The following MAPKAPK2 variants were observed in gnomAD, a reference collection of about 807,000 sequenced individuals.
The protein encoded by MAPKAPK2 is MAP kinase-activated protein kinase 2.
In MAPKAPK2, 9 loss-of-function variants were observed where a neutral mutation model predicts 48.8. That is an observed-to-expected ratio of 0.18 (90% CI 0.11 to 0.32). The LOEUF is 0.32. Ranked by LOEUF, MAPKAPK2 falls within the 10% of genes least tolerant of loss-of-function variation. The pLI, the probability that MAPKAPK2 is intolerant of heterozygous loss-of-function variation, is 1.00. For missense variants in MAPKAPK2, 331 were observed against 498.3 expected (o/e 0.66, Z 3.20); for synonymous variants, 202 against 190.6 (o/e 1.06, Z -0.49).
intron 1 of MAPKAPK2, chr1:206,695,951 A>G (rs1413799778): frequency 1.2e-5 from 8 of 687,348 alleles, no homozygotes; most frequent in Non-Finnish European, 2.1e-5. Flanking sequence ...CCTGGGCCCC[A>G]GGTCCAGGGG....
chr1:206,710,389 G>T (rs1673108459), intron 1 of MAPKAPK2, among the ~76,000 whole-genome samples: 1 of 152,152 alleles, frequency 6.6e-6, no homozygotes, highest in African/African-American at 2.4e-5. Context: ...TTGCCTCCCT[G>T]TCTCCTAGTG....
intron 1 of MAPKAPK2, among the ~76,000 whole-genome samples, chr1:206,701,853 AAAAG>A (rs1553427960): frequency 7.2e-4 from 109 of 151,396 alleles, no homozygotes; most frequent in African/African-American, 2.6e-3. Flanking sequence ...AAAAAAAAAA[AAAAG>A]AGGAGTTCAC....
At chr1:206,707,926 T>C (rs1553428843) in intron 1 of MAPKAPK2, among the ~76,000 whole-genome samples, 2 of 152,236 alleles carry the variant, frequency 1.3e-5, no homozygotes, top group South Asian at 4.1e-4. Flanking sequence ...TCTACATTCT[T>C]TGATTCCTGT....
At chr1:206,706,400 TA>T (rs1553428572) in intron 1 of MAPKAPK2, among the ~76,000 whole-genome samples, 1 of 152,092 alleles carries the variant, frequency 6.6e-6, no homozygotes, top group Non-Finnish European at 1.5e-5. Flanking sequence ...GCTCTGCAGT[TA>T]TCCCGACCAC....
chr1:206,708,275 C>T (rs1221958466), intron 1 of MAPKAPK2, among the ~76,000 whole-genome samples: 2 of 152,230 alleles, frequency 1.3e-5, no homozygotes, highest in Admixed American at 6.5e-5. Flanking sequence ...CTGTGACCTC[C>T]CAGCCACCTC....
At chr1:206,706,126 T>C (rs1429795931) in intron 1 of MAPKAPK2, among the ~76,000 whole-genome samples, 2 of 101,930 alleles carry the variant, frequency 2.0e-5, no homozygotes, top group African/African-American at 6.6e-5. Flanking sequence ...ATTTATTTAT[T>C]TATTTATTTA....
intron 1 of MAPKAPK2, among the ~76,000 whole-genome samples, chr1:206,713,057 C>A (rs1186099863): frequency 2.7e-5 from 4 of 150,786 alleles, no homozygotes; most frequent in Admixed American, 2.6e-4. Flanking sequence ...CAAGTAGATA[C>A]TTATTGAACA....
intron 1 of MAPKAPK2, among the ~76,000 whole-genome samples, chr1:206,697,565 C>T (rs1320117380): frequency 1.3e-5 from 2 of 152,120 alleles, no homozygotes; most frequent in Non-Finnish European, 2.9e-5. Flanking sequence ...CTCTTTTTAA[C>T]AACCAGATCT....
At position 206,705,408 on chromosome 1, in the gene MAPKAPK2, T is replaced by G. The variant is rs147342880; in HGVS notation, c.279+19900T>G. On this transcript the variant is annotated intron_variant, in intron 1 of 9. Coordinates refer to ENST00000367103, the MANE Select transcript of MAPKAPK2 (RefSeq NM_032960.4). ...GAAGCAGCAATGTGCAGCATGGGGT[T>G]GCATGAGTAGACACTCCTGCTGGAG... is the stretch of plus-strand genomic sequence containing the variant. Among the ~76,000 whole-genome samples the G allele has an allele frequency of 5.7e-3, 873 of 152,326 alleles. 5 individuals carry two copies. Among genetic ancestry groups the G allele is most frequent in the Non-Finnish European group, 7.4e-3 (504 of 68,028 alleles).
chr1:206,711,014 T>C (rs1433562443), intron 1 of MAPKAPK2, among the ~76,000 whole-genome samples: 1 of 152,256 alleles, frequency 6.6e-6, no homozygotes, highest in African/African-American at 2.4e-5. Flanking sequence ...TTTTTAAATG[T>C]CGTGGAAAAA....
chr1:206,723,312 G>GC (rs1427229738), intron 1 of MAPKAPK2, among the ~76,000 whole-genome samples: 3 of 152,176 alleles, frequency 2.0e-5, no homozygotes, highest in Non-Finnish European at 4.4e-5. Context: ...GGAGTGGGGA[G>GC]CAGAATAATA....
intron 1 of MAPKAPK2, among the ~76,000 whole-genome samples, chr1:206,695,450 GTTTTTTTTT>G (rs797043593): frequency 0.017 from 2,035 of 123,016 alleles, 40 homozygotes; most frequent in African/African-American, 0.057. Flanking sequence ...GCCCTGATCT[GTTTTTTTTT>G]TTTTTTTTGG....
At position 206,731,361 on chromosome 1, in the gene MAPKAPK2, G is replaced by T; in HGVS notation, c.892+99G>T. ...ACACATGTATGGGCCTCCATCTCATGTGCGTGGTGTAACTGTGGGTTAGCA... is the reference window on the plus strand; with the variant it reads ...ACACATGTATGGGCCTCCATCTCATTTGCGTGGTGTAACTGTGGGTTAGCA... On this transcript the variant is annotated intron_variant, in intron 7 of 9. Coordinates refer to ENST00000367103, the MANE Select transcript of MAPKAPK2 (RefSeq NM_032960.4). This position sits in a 1 kb window ranked among gnomAD's most constrained non-coding sequence, Gnocchi z 5.9. 1 of 1,563,054 alleles carries T rather than the reference G, an allele frequency of 6.4e-7. No homozygotes were observed. Among genetic ancestry groups the T allele is most frequent in the Non-Finnish European group, 8.7e-7 (1 of 1,152,822 alleles).
Position 206,730,156 on chromosome 1 carries a change from C to A in MAPKAPK2, c.691+58C>A. The A allele has an allele frequency of 2.5e-6, 4 of 1,605,226 alleles. No homozygotes were observed. The South Asian group carries it at 4.4e-5, about 18-fold the overall frequency. ...TTTCCCAGAACTTTTCTCAGCCCCT[C>A]CTCTTGGCTATCTGGGGGGCCGCAA... On this transcript the variant is annotated intron_variant, in intron 5 of 9. Transcript: ENST00000367103.
chr1:206,690,501 C>T (rs1553426119), intron 1 of MAPKAPK2, among the ~76,000 whole-genome samples: 1 of 152,184 alleles, frequency 6.6e-6, no homozygotes, highest in East Asian at 1.9e-4. Flanking sequence ...AAAAGAACCC[C>T]TTTGTGGGAG....
rs1008902455 is a variant in MAPKAPK2 at position 206,727,715 on chromosome 1, G to A, written c.280-995G>A. Among the ~76,000 whole-genome samples the A allele has an allele frequency of 2.0e-5, 3 of 152,214 alleles. No individual in the cohort carries two copies. In the East Asian group the frequency reaches 5.8e-4, roughly 29 times the overall value. On this transcript the variant is annotated intron_variant, in intron 1 of 9. Transcript: ENST00000367103. Reference sequence around the variant, plus strand: ...GGCTCGCTGCAAGCTCCACCTCTCAGGGTTCACGCCATTCTCCTGCCTCAG... The same window carrying A: ...GGCTCGCTGCAAGCTCCACCTCTCAAGGTTCACGCCATTCTCCTGCCTCAG...
At chr1:206,724,886 C>G (rs1673656553) in intron 1 of MAPKAPK2, among the ~76,000 whole-genome samples, 1 of 152,108 alleles carries the variant, frequency 6.6e-6, no homozygotes, top group Non-Finnish European at 1.5e-5. Context: ...CATAAATATG[C>G]AAAATGGTAA....
rs58152125 is a variant in MAPKAPK2, at chr1:206,731,299, C to CGTGT, written c.892+54_892+57dup. On this transcript the variant is annotated intron_variant, in intron 7 of 9. Transcript: ENST00000367103. The surrounding 1 kb of genome is among the most constrained non-coding windows in gnomAD (Gnocchi z 5.9). ...GGCTTTCAGGACAAGGGGAAGAGCCCGTGTGTGTGTGTGTGTGTGTATGTG... is the reference window on the plus strand; with the variant it reads ...GGCTTTCAGGACAAGGGGAAGAGCCCGTGTGTGTGTGTGTGTGTGTGTGTATGTG... 5.9e-4 allele frequency: 917 copies of CGTGT among 1,559,960 alleles called. 2 individuals are homozygous for CGTGT. The highest frequency in any genetic ancestry group is 5.0e-3 in the African/African-American group (363 of 73,268).
At position 206,731,710 on chromosome 1, in the gene MAPKAPK2, C is replaced by A; in HGVS notation, c.963C>A (p.Asn321Lys). The A allele has an allele frequency of 6.2e-7, 1 of 1,614,102 alleles. No homozygotes were observed. Among genetic ancestry groups the A allele is most frequent in the Non-Finnish European group, 8.5e-7 (1 of 1,179,982 alleles). ...GAATGACCATCACCGAGTTTATGAACCACCCTTGGATCATGGTAAGCTCGG... is the reference window on the plus strand; with the variant it reads ...GAATGACCATCACCGAGTTTATGAAACACCCTTGGATCATGGTAAGCTCGG... ...TQRMTITEFM[N>K]HPWIMQSTKV... The change falls in exon 8 of 10, where the codon AAC (asparagine) becomes AAA (lysine). Residue 321 changes from asparagine (N) to lysine (K), a missense_variant. Physicochemically the swap from Asn to Lys is moderately conservative, Grantham distance 94. This residue lies in a region of MAPKAPK2 where 124 missense variants were observed against 194.6 expected (regional missense o/e 0.64). Coordinates refer to ENST00000367103, the MANE Select transcript of MAPKAPK2 (RefSeq NM_032960.4). The surrounding 1 kb of genome is among the most constrained non-coding windows in gnomAD (Gnocchi z 5.9).
Sources: allele counts gnomAD v4.1 joint callset (sites outside exome capture counted in the v4.1 genomes callset), GRCh38; gene constraint gnomAD v4.1.1; regional missense constraint gnomAD v4.1.1; non-coding constraint Gnocchi (gnomAD v3.1); transcripts MANE v1.5; gene names NCBI Gene and HGNC (gene_info 2026-07-23, HGNC 2026-07-21).